MGAT4C: variants seen among roughly 807,000 people sequenced by gnomAD.
The protein encoded by MGAT4C is alpha-1,3-mannosyl-glycoprotein 4-beta-N-acetylglucosaminyltransferase C.
In MGAT4C, 19 loss-of-function variants were observed where a neutral mutation model predicts 40.1. The ratio of observed to expected loss-of-function variants is 0.47; its 90% confidence interval spans 0.33 to 0.70. The LOEUF is 0.70. MGAT4C is among the 30% of genes least tolerant of loss of function. The pLI is 0.02. For synonymous variants in MGAT4C, 181 were observed against 187.1 expected (o/e 0.97, Z 0.27); for missense variants, 491 against 563.2 (o/e 0.87, Z 1.30).
At chr12:86,786,554 G>A (rs1209552565) in intron 1 of MGAT4C, among the ~76,000 whole-genome samples, 1 of 151,764 alleles carries the variant, frequency 6.6e-6, no homozygotes, top group African/African-American at 2.4e-5. Context: ...TCCTAGGTTC[G>A]CTTTTAACTC....
At chr12:86,659,896 G>A (rs1407237775) in intron 2 of MGAT4C, among the ~76,000 whole-genome samples, 3 of 151,378 alleles carry the variant, frequency 2.0e-5, no homozygotes, top group Admixed American at 2.0e-4. Flanking sequence ...GGAATTAAAT[G>A]CTGGTCTCTA....
At chr12:86,450,376 T>A (rs756046705) in intron 2 of MGAT4C, among the ~76,000 whole-genome samples, 16 of 152,314 alleles carry the variant, frequency 1.1e-4, no homozygotes, top group Non-Finnish European at 1.5e-4. Context: ...TAAATGTATG[T>A]ATTCTAAATC....
chr12:86,418,533 G>C (rs1311749404), intron 3 of MGAT4C, among the ~76,000 whole-genome samples: 1 of 151,994 alleles, frequency 6.6e-6, no homozygotes, highest in Non-Finnish European at 1.5e-5. Flanking sequence ...GGAGTTTGCA[G>C]TGAGCCAAGA....
chr12:86,441,497 C>G (rs1277210450), intron 2 of MGAT4C, among the ~76,000 whole-genome samples: 1 of 101,112 alleles, frequency 9.9e-6, no homozygotes, highest in African/African-American at 3.9e-5. Flanking sequence ...TCCCTCCCCC[C>G]TCCCCCCACC....
At chr12:86,410,088 C>G (rs901139680) in intron 3 of MGAT4C, among the ~76,000 whole-genome samples, 7 of 151,986 alleles carry the variant, frequency 4.6e-5, no homozygotes, top group African/African-American at 1.5e-4. Context: ...AAGGGCAAAG[C>G]AAAGATCACA....
chr12:85,997,628 G>A (rs1351635932), intron 2 of MGAT4C, among the ~76,000 whole-genome samples: 1 of 152,206 alleles, frequency 6.6e-6, no homozygotes, highest in Non-Finnish European at 1.5e-5. Flanking sequence ...CAGGCCCCAT[G>A]CAAGTCCAAA....
At chr12:86,504,881 T>C (rs993538583) in intron 2 of MGAT4C, among the ~76,000 whole-genome samples, 2 of 152,130 alleles carry the variant, frequency 1.3e-5, no homozygotes, top group East Asian at 3.9e-4. Flanking sequence ...TCTCTTAACC[T>C]AGTGATCTGC....
intron 2 of MGAT4C, among the ~76,000 whole-genome samples, chr12:86,726,474 A>G (rs574097347): frequency 6.8e-4 from 103 of 152,318 alleles, no homozygotes; most frequent in Middle Eastern, 6.8e-3. Flanking sequence ...GGCATGAAGA[A>G]ATGTGTCTAT....
chr12:86,031,917 T>G (rs2136907214), intron 2 of MGAT4C, among the ~76,000 whole-genome samples: 1 of 151,918 alleles, frequency 6.6e-6, no homozygotes, highest in East Asian at 1.9e-4. Context: ...ATCTTTCTCT[T>G]ACCCTACACC....
rs1566006314 is a variant in MGAT4C, at chr12:86,811,028, A to AGCAATGTAAGCACTTCATGCTATAC, written c.-262+27637_-262+27638insGTATAGCATGAAGTGCTTACATTGC. On this transcript the variant is annotated intron_variant, in intron 1 of 7. Transcript: ENST00000548651. ...TTTTGATTTGAGACTAGTCCTTGTC[A>AGCAATGTAAGCACTTCATGCTATAC]AAGATTTTATATTTGACATAAACTA... 4.3e-4 allele frequency among the ~76,000 whole-genome samples: 36 copies of AGCAATGTAAGCACTTCATGCTATAC among 84,584 alleles called. 9 individuals are homozygous for AGCAATGTAAGCACTTCATGCTATAC. The highest frequency in any genetic ancestry group is 7.4e-4 in the Non-Finnish European group (24 of 32,646). 55.5% of individuals were successfully genotyped at this position (84,584 alleles called of 152,430 possible).
At chr12:86,801,655 A>G (rs1952227923) in intron 1 of MGAT4C, among the ~76,000 whole-genome samples, 1 of 151,826 alleles carries the variant, frequency 6.6e-6, no homozygotes, top group African/African-American at 2.4e-5. Flanking sequence ...TCCTGCTTAT[A>G]AAGTTGGAAT....
chr12:86,547,462 T>C (rs1239510357), intron 2 of MGAT4C, among the ~76,000 whole-genome samples: 2 of 152,144 alleles, frequency 1.3e-5, no homozygotes, highest in African/African-American at 4.8e-5. Context: ...ACAGGCATTT[T>C]TGACTGTTTA....
Position 86,608,385 on chromosome 12 carries a change from C to T in MGAT4C, c.-229+118824G>A, listed in dbSNP as rs368024243. ...CTTAAAGCCAGAAGTTCGAGACCAG[C>T]CTGGGCAATATAGAAAGACTCTGTC... On this transcript the variant is annotated intron_variant, in intron 2 of 7. Transcript: ENST00000548651. Among the ~76,000 whole-genome samples the T allele has an allele frequency of 8.5e-5, 13 of 152,060 alleles. No homozygotes were observed. The South Asian group carries it at 2.3e-3, about 27-fold the overall frequency.
chr12:86,803,754 A>AC (rs1229496475), intron 1 of MGAT4C, among the ~76,000 whole-genome samples: 3 of 150,042 alleles, frequency 2.0e-5, no homozygotes, highest in Non-Finnish European at 3.0e-5. Context: ...ATCATTAAAA[A>AC]GTCAGGAAAC....
intron 2 of MGAT4C, among the ~76,000 whole-genome samples, chr12:86,515,505 G>T (rs549337031): frequency 5.3e-5 from 8 of 151,890 alleles, no homozygotes; most frequent in East Asian, 1.9e-4. Flanking sequence ...ACTTAAAAAT[G>T]GAATTTTTAA....
chr12:86,773,236 G>A (rs956362440), intron 1 of MGAT4C, among the ~76,000 whole-genome samples: 2 of 152,076 alleles, frequency 1.3e-5, no homozygotes, highest in Non-Finnish European at 2.9e-5. Context: ...GTAGGACCTA[G>A]TCCACTATGA....
At chr12:86,434,298 G>A (rs1023109449) in intron 3 of MGAT4C, among the ~76,000 whole-genome samples, 1 of 151,824 alleles carries the variant, frequency 6.6e-6, no homozygotes, top group Admixed American at 6.6e-5. Flanking sequence ...AAAAGGAAGG[G>A]CCATATAAAT....
intron 1 of MGAT4C, among the ~76,000 whole-genome samples, chr12:86,810,567 CTT>C (rs1335265875): frequency 6.6e-6 from 1 of 151,426 alleles, no homozygotes; most frequent in African/African-American, 2.4e-5. Context: ...GTTAAATGCT[CTT>C]GTGTCAATGG....
rs1159282906 is a variant in MGAT4C, at chr12:86,228,289, A to T, written c.-57+27950T>A. The stretch of plus-strand genomic sequence containing the variant: ...GAGGATAAAACCAAAGGGAATCAGT[A>T]TTCCTCAGGGAAGATTAGCAGTCTA... On this transcript the variant is annotated intron_variant, in intron 1 of 4. Transcript: ENST00000611864. Among the ~76,000 whole-genome samples, 6 of 151,864 alleles carry T rather than the reference A, an allele frequency of 4.0e-5. No homozygotes were observed. The South Asian group carries it at 1.2e-3, about 31-fold the overall frequency.
Sources: gnomAD v4.1 joint callset for allele counts (sites outside exome capture counted in the v4.1 genomes callset) on GRCh38, gnomAD v4.1.1 for gene constraint, MANE v1.5 for transcripts, NCBI Gene and HGNC (gene_info 2026-07-23, HGNC 2026-07-21) for gene names.